CNGB1: variants seen among roughly 807,000 people sequenced by gnomAD.
The protein encoded by CNGB1 is cyclic nucleotide-gated channel beta-1.
Under a neutral mutation model 151.7 loss-of-function variants are expected in CNGB1, and 126 were observed. The observed-to-expected ratio is 0.83, with a 90% confidence interval of 0.72 to 0.96. The LOEUF (loss-of-function observed/expected upper bound fraction) is 0.96. CNGB1 is among the 40% of genes least tolerant of loss of function. The pLI, the probability that CNGB1 is intolerant of heterozygous loss-of-function variation, is 0.00. For synonymous variants in CNGB1, 623 were observed against 635.1 expected (o/e 0.98, Z 0.29); for missense variants, 1,698 against 1,627.0 (o/e 1.04, Z -0.75).
rs1194430936 is a variant in CNGB1 at position 57,931,890 on chromosome 16, G to C, written c.1373-12C>G. The C allele has an allele frequency of 3.7e-6, 6 of 1,613,686 alleles. No homozygotes were observed. The highest frequency in any genetic ancestry group is 5.1e-6 in the Non-Finnish European group (6 of 1,179,956). ...TTTCGTGGCAGGCACTGGGGGAGAG[G>C]AAGGAGAGGAGAAAGTCAGAGAGAG... On this transcript the variant is annotated splice_polypyrimidine_tract_variant and intron_variant, in intron 16 of 32. Coordinates refer to ENST00000251102, the MANE Select transcript of CNGB1 (RefSeq NM_001297.5).
intron 14 of CNGB1, among the ~76,000 whole-genome samples, chr16:57,945,303 G>A (rs560100420): frequency 1.3e-5 from 2 of 152,334 alleles, no homozygotes; most frequent in African/African-American, 4.8e-5. Context: ...CAAGGGGGAT[G>A]ACTGGATGAC....
Position 57,940,336 on chromosome 16 carries a change from G to T in CNGB1, c.1122-15C>A, listed in dbSNP as rs2303778. On this transcript the variant is annotated splice_polypyrimidine_tract_variant and intron_variant, in intron 14 of 32. Transcript: ENST00000251102. The stretch of plus-strand genomic sequence containing the variant: ...CCAGCAGCACCCTGTGACCCGGGGC[G>T]GGGTGGGGAGGATAAAAGGACTGGG... The T allele has an allele frequency of 2.6e-6, 4 of 1,565,362 alleles. No individual in the cohort carries two copies. The highest frequency in any genetic ancestry group is 3.5e-6 in the Non-Finnish European group (4 of 1,154,856).
chr16:57,926,595 C>T (rs691897), intron 17 of CNGB1, among the ~76,000 whole-genome samples: 27,643 of 152,190 alleles, frequency 0.18, 3,027 homozygotes, highest in East Asian at 0.35. Flanking sequence ...AGAACAGCCC[C>T]ACACAAGAAG....
rs1364174176 is a variant in CNGB1, at chr16:57,958,989, G to T, written c.762-504C>A. On this transcript the variant is annotated intron_variant, in intron 10 of 32. Transcript: ENST00000251102. Reference sequence around the variant, plus strand: ...TTTCTATATTGCCCAGGCTGGTCTCGAACTCCTGCTGCCATGGCTTCCCAA... The same window carrying T: ...TTTCTATATTGCCCAGGCTGGTCTCTAACTCCTGCTGCCATGGCTTCCCAA... Among the ~76,000 whole-genome samples, 5 of 144,212 alleles carry T rather than the reference G, an allele frequency of 3.5e-5. No homozygotes were observed. In the East Asian group the frequency reaches 1.0e-3, roughly 29 times the overall value. 94.6% of individuals were successfully genotyped at this position (144,212 alleles called of 152,430 possible).
intron 31 of CNGB1, among the ~76,000 whole-genome samples, chr16:57,891,241 C>G (rs1437757598): frequency 6.6e-6 from 1 of 152,130 alleles, no homozygotes; most frequent in Non-Finnish European, 1.5e-5. Context: ...TAATTATGTC[C>G]TATAAGATCT....
chr16:57,960,640 G>A (rs1962224985), intron 8 of CNGB1, 110 bp from the exon 9 acceptor site: 2 of 1,423,012 alleles, frequency 1.4e-6, no homozygotes, highest in South Asian at 1.2e-5. Context: ...CGGGGATGGG[G>A]GTGGGGGGTG....
intron 30 of CNGB1, 38 bp from the exon 31 acceptor site, chr16:57,897,581 C>T: frequency 6.2e-7 from 1 of 1,613,100 alleles, no homozygotes; most frequent in Middle Eastern, 1.8e-4. Context: ...CCTTCAGAGA[C>T]TGCCGTTTCG....
intron 4 of CNGB1, among the ~76,000 whole-genome samples, chr16:57,963,605 G>T (rs9302694): frequency 0.83 from 126,503 of 152,156 alleles, 53,232 homozygotes; most frequent in African/African-American, 0.92. Flanking sequence ...AGCACCATGG[G>T]CTGAAATGTC....
intron 3 of CNGB1, 56 bp downstream of exon 3, chr16:57,964,431 G>A: frequency 1.2e-6 from 2 of 1,601,056 alleles, no homozygotes; most frequent in Non-Finnish European, 1.7e-6. Flanking sequence ...GCGGCTCCGA[G>A]GGGAGAATGC....
In CNGB1 at chr16:57,921,040, G is replaced by A. The variant is rs553912766; in HGVS notation, c.1644-496C>T. Among the ~76,000 whole-genome samples, 4 of 152,182 alleles carry A rather than the reference G, an allele frequency of 2.6e-5. No homozygotes were observed. The South Asian group carries it at 8.3e-4, about 32-fold the overall frequency. On this transcript the variant is annotated intron_variant, in intron 18 of 32. Transcript: ENST00000251102. Reference sequence around the variant, plus strand: ...TTACAGGAATTAAAGTTTCTGCACTGTCAGCAAGAGAGAGAGAGAAACTGC... The same window carrying A: ...TTACAGGAATTAAAGTTTCTGCACTATCAGCAAGAGAGAGAGAGAAACTGC...
intron 15 of CNGB1, 148 bp downstream of exon 15, chr16:57,940,086 C>T: frequency 2.5e-6 from 2 of 807,372 alleles, no homozygotes; most frequent in Non-Finnish European, 4.1e-6. Flanking sequence ...CAAGAGGGGG[C>T]CTCGCAGGAC....
intron 31 of CNGB1, among the ~76,000 whole-genome samples, chr16:57,892,559 G>A (rs1567363339): frequency 6.6e-6 from 1 of 152,034 alleles, no homozygotes; most frequent in Non-Finnish European, 1.5e-5. Flanking sequence ...CTTTTACCTC[G>A]AAGCTGCCAA....
rs1959778809 is a variant in CNGB1, at chr16:57,882,373, C to A, written c.*1791G>T. 6.6e-6 allele frequency: 1 copy of A among 151,342 alleles called. No individual in the cohort carries two copies. Among genetic ancestry groups the A allele is most frequent in the African/African-American group, 2.4e-5 (1 of 41,106 alleles). The allele number at this position is 151,342 out of a possible 1,614,324, so 9.4% of individuals were successfully genotyped here. Reference sequence around the variant, plus strand: ...AGGGTAAAATAATAAGGTCAATCATCACTATATTCAATGTGATGATTACCC... The same window carrying A: ...AGGGTAAAATAATAAGGTCAATCATAACTATATTCAATGTGATGATTACCC... On this transcript the variant is annotated 3_prime_UTR_variant, in exon 33 of 33. Coordinates refer to ENST00000251102, the MANE Select transcript of CNGB1 (RefSeq NM_001297.5).
At chr16:57,951,947 C>A (rs1205641727) in intron 12 of CNGB1, among the ~76,000 whole-genome samples, 2 of 152,198 alleles carry the variant, frequency 1.3e-5, no homozygotes, top group African/African-American at 4.8e-5. Flanking sequence ...CATGGTTGCT[C>A]CCGGCTCCTC....
At chr16:57,929,337 T>A (rs1961277300) in intron 17 of CNGB1, among the ~76,000 whole-genome samples, 1 of 152,134 alleles carries the variant, frequency 6.6e-6, no homozygotes, top group East Asian at 1.9e-4. Flanking sequence ...GGAAAGAGGT[T>A]TAAGTGACTC....
At chr16:57,888,735 AG>A (rs1200032798) in intron 31 of CNGB1, among the ~76,000 whole-genome samples, 1 of 151,144 alleles carries the variant, frequency 6.6e-6, no homozygotes, top group African/African-American at 2.5e-5. Context: ...TACAGGTGTG[AG>A]GCACCGCGCC....
At chr16:57,939,080 G>T (rs1040296738) in intron 16 of CNGB1, among the ~76,000 whole-genome samples, 1 of 152,136 alleles carries the variant, frequency 6.6e-6, no homozygotes, top group Non-Finnish European at 1.5e-5. Context: ...GGAGAGGCTG[G>T]CAGGAGGGAC....
At chr16:57,954,151 C>A (rs1261835872) in intron 12 of CNGB1, among the ~76,000 whole-genome samples, 2 of 152,214 alleles carry the variant, frequency 1.3e-5, no homozygotes, top group Non-Finnish European at 2.9e-5. Context: ...TTATCTTCTG[C>A]ATTAAGGATG....
intron 14 of CNGB1, 52 bp from the exon 15 acceptor site, chr16:57,940,373 A>G (rs1961636808): frequency 6.5e-7 from 1 of 1,533,068 alleles, no homozygotes; most frequent in Non-Finnish European, 8.8e-7. Context: ...TAGGGTGTTA[A>G]AGGTTTCCCC....
Sources: allele counts gnomAD v4.1 joint callset (sites outside exome capture counted in the v4.1 genomes callset), GRCh38; gene constraint gnomAD v4.1.1; transcripts MANE v1.5; gene names NCBI Gene and HGNC (gene_info 2026-07-23, HGNC 2026-07-21).